The following SDK1 variants were observed in gnomAD, a reference collection of about 807,000 sequenced individuals.
SDK1 encodes the protein sidekick cell adhesion molecule 1, also known as protein sidekick-1.
Under a neutral mutation model 245.5 loss-of-function variants are expected in SDK1, and 157 were observed. The ratio of observed to expected loss-of-function variants is 0.64; its 90% CI spans 0.56 to 0.73. The LOEUF (loss-of-function observed/expected upper bound fraction) is 0.73, where lower values mean the gene tolerates loss of function less well. SDK1 is among the 30% of genes least tolerant of loss of function. SDK1 has a pLI of 0.00. For synonymous variants in SDK1, 1,647 were observed against 1,278.5 expected (o/e 1.29, Z -6.15); for missense variants, 3,583 against 3,002.3 (o/e 1.19, Z -4.52).
intron 4 of SDK1, among the ~76,000 whole-genome samples, chr7:3,678,564 G>T (rs964071982): frequency 5.3e-5 from 8 of 152,332 alleles, no homozygotes; most frequent in Admixed American, 3.9e-4. Context: ...CTTACATGAG[G>T]TCTCTAGAAT....
intron 1 of SDK1, among the ~76,000 whole-genome samples, chr7:3,489,160 C>A (rs1359163203): frequency 6.6e-6 from 1 of 152,072 alleles, no homozygotes; most frequent in African/African-American, 2.4e-5. Context: ...AGAGTTCTCA[C>A]TGAATTTAAG....
chr7:4,257,397 C>G (rs1787701439), intron 44 of SDK1, among the ~76,000 whole-genome samples: 1 of 152,210 alleles, frequency 6.6e-6, no homozygotes, highest in Non-Finnish European at 1.5e-5. Flanking sequence ...TTACCAAAAA[C>G]AGACTCTGCA....
At chr7:3,962,937 G>A in intron 9 of SDK1, 86 bp downstream of exon 9, 1 of 517,322 alleles carries the variant, frequency 1.9e-6, no homozygotes, top group Non-Finnish European at 3.0e-6. Context: ...TGTAACCAGT[G>A]GGTACACCCA....
intron 14 of SDK1, among the ~76,000 whole-genome samples, chr7:4,005,801 C>T (rs565680637): frequency 3.0e-4 from 45 of 152,296 alleles, no homozygotes; most frequent in African/African-American, 9.1e-4. Flanking sequence ...GAGGCCAAGG[C>T]AGACAGATTG....
chr7:3,440,993 C>G (rs138973272), intron 1 of SDK1, among the ~76,000 whole-genome samples: 1 of 152,134 alleles, frequency 6.6e-6, no homozygotes, highest in African/African-American at 2.4e-5. Flanking sequence ...TACACAGATT[C>G]AAGAATACAG....
Position 4,114,110 on chromosome 7 carries a change from T to G in SDK1, c.3659T>G (p.Leu1220Arg), listed in dbSNP as rs757225702. 1 of 1,614,176 alleles carries G rather than the reference T, an allele frequency of 6.2e-7. No individual in the cohort carries two copies. The highest frequency in any genetic ancestry group is 2.2e-5 in the East Asian group (1 of 44,884). The change falls in exon 25 of 45, where the codon CTC (leucine) becomes CGC (arginine). Residue 1220 changes from leucine to arginine, a missense_variant. Physicochemically the swap from Leu to Arg is moderately radical, Grantham distance 102. Coordinates refer to ENST00000404826, the MANE Select transcript of SDK1 (RefSeq NM_152744.4). ...AGGATTAAGTACTGGCGCTCAGACC[T>G]CCAGTCCTCAGCAGTGGCCCAAGTC... is the stretch of plus-strand genomic sequence containing the variant. ...GYRIKYWRSDLQSSAVAQVVS... is the reference protein window; with the variant it reads ...GYRIKYWRSDRQSSAVAQVVS...
intron 32 of SDK1, among the ~76,000 whole-genome samples, chr7:4,169,898 A>G (rs1781732490): frequency 6.6e-6 from 1 of 151,956 alleles, no homozygotes; most frequent in South Asian, 2.1e-4. Flanking sequence ...GATGCGCTGT[A>G]TTCTTTAGGG....
chr7:3,620,720 C>T (rs552428845), intron 2 of SDK1, among the ~76,000 whole-genome samples: 8 of 152,208 alleles, frequency 5.3e-5, no homozygotes, highest in South Asian at 4.2e-4. Flanking sequence ...CAGGAGCAGG[C>T]GGCTGAGCAG....
At chr7:3,922,096 A>G (rs967023476) in intron 5 of SDK1, among the ~76,000 whole-genome samples, 8 of 152,102 alleles carry the variant, frequency 5.3e-5, no homozygotes, top group Non-Finnish European at 8.8e-5. Context: ...TGGTTTGCTT[A>G]CTTCTTTTGC....
chr7:3,467,669 T>A (rs1325605031), intron 1 of SDK1, among the ~76,000 whole-genome samples: 1 of 152,132 alleles, frequency 6.6e-6, no homozygotes, highest in Non-Finnish European at 1.5e-5. Flanking sequence ...GTTTAAACCT[T>A]ACATTCAATT....
At chr7:3,483,719 T>A (rs1266326835) in intron 1 of SDK1, among the ~76,000 whole-genome samples, 1 of 152,196 alleles carries the variant, frequency 6.6e-6, no homozygotes, top group Non-Finnish European at 1.5e-5. Context: ...TAAGCATTTT[T>A]GTTAGGAATG....
rs533781142 is a variant in SDK1, at chr7:4,238,031, C to T, written c.6130+247C>T. On this transcript the variant is annotated intron_variant, in intron 42 of 44. Transcript: ENST00000404826. ...ATTAACTATGTGTCTTGGATAAGGG[C>T]GTATGAGTCATCCAGCCTCAGAGAT... Among the ~76,000 whole-genome samples the T allele has an allele frequency of 3.4e-3, 519 of 151,856 alleles. 4 individuals are homozygous for T. The highest frequency in any genetic ancestry group is 0.012 in the African/African-American group (499 of 41,406).
At chr7:4,218,253 C>T (rs971736079) in intron 38 of SDK1, among the ~76,000 whole-genome samples, 1 of 152,090 alleles carries the variant, frequency 6.6e-6, no homozygotes, top group African/African-American at 2.4e-5. Flanking sequence ...ATTAGCCAGG[C>T]ATGGTGGCAT....
chr7:3,787,050 A>G (rs1335367483), intron 4 of SDK1, among the ~76,000 whole-genome samples: 1 of 151,910 alleles, frequency 6.6e-6, no homozygotes, highest in Admixed American at 6.6e-5. Flanking sequence ...TGACATAAAC[A>G]TTGTTTTTGT....
chr7:3,889,794 C>A (rs1319610254), intron 5 of SDK1, among the ~76,000 whole-genome samples: 1 of 152,096 alleles, frequency 6.6e-6, no homozygotes, highest in Non-Finnish European at 1.5e-5. Flanking sequence ...AGGCATGAGC[C>A]ATCGTGCCTG....
intron 1 of SDK1, among the ~76,000 whole-genome samples, chr7:3,518,964 TA>T (rs58952334): frequency 0.27 from 39,202 of 144,694 alleles, 5,243 homozygotes; most frequent in East Asian, 0.34. Context: ...TATTCAGCCA[TA>T]AAAAAAAAAA....
intron 4 of SDK1, among the ~76,000 whole-genome samples, chr7:3,814,824 T>G (rs1054908717): frequency 2.6e-5 from 4 of 151,092 alleles, no homozygotes; most frequent in African/African-American, 9.7e-5. Flanking sequence ...GAAGAGGTCC[T>G]TCACATCCCT....
chr7:3,705,466 ATTTTATTTTATTTTAT>A (rs1784857903), intron 4 of SDK1, among the ~76,000 whole-genome samples: 1 of 139,000 alleles, frequency 7.2e-6, no homozygotes, highest in Non-Finnish European at 1.5e-5. Context: ...ATTTTATTTT[ATTTTATTTTATTTTAT>A]TTTATTTTAT....
chr7:3,736,427 C>A (rs1779319283), intron 4 of SDK1, among the ~76,000 whole-genome samples: 1 of 151,988 alleles, frequency 6.6e-6, no homozygotes, highest in African/African-American at 2.4e-5. Context: ...CAAGTAGCTG[C>A]CATGCCCAGC....
Sources: allele counts gnomAD v4.1 joint callset (sites outside exome capture counted in the v4.1 genomes callset), GRCh38; gene constraint gnomAD v4.1.1; transcripts MANE v1.5; gene names NCBI Gene and HGNC (gene_info 2026-07-23, HGNC 2026-07-21).